Variants in PGK1 observed in about 807,000 individuals in gnomAD.
The protein encoded by PGK1 is PRP 2.
Under a neutral mutation model 26.9 loss-of-function variants are expected in PGK1, and 3 were observed. The observed-to-expected ratio is 0.11, with a 90% CI of 0.05 to 0.29. PGK1 has a LOEUF of 0.29. PGK1 is among the 10% of genes least tolerant of loss of function. The pLI is 1.00. For missense variants in PGK1, 270 were observed against 314.7 expected, an observed-to-expected ratio of 0.86 and a Z score of 1.07; for synonymous variants, 125 against 115.3, an observed-to-expected ratio of 1.08 and a Z score of -0.54.
At chrX:78,107,794 G>C (rs782537716) in intron 1 of PGK1, among the ~76,000 whole-genome samples, 1 of 111,136 alleles carries the variant, frequency 9.0e-6, no homozygotes, top group Admixed American at 9.6e-5. Context: ...GGTATCCCCA[G>C]ACTGTTTTCC....
chrX:78,126,566 A>T lies in PGK1; in HGVS notation c.*736A>T, dbSNP rs1165356988. 1 of 112,039 alleles carries T rather than the reference A, an allele frequency of 8.9e-6. No individual in the cohort carries two copies. The highest frequency in any genetic ancestry group is 1.9e-5 in the Non-Finnish European group (1 of 53,219). 9.2% of individuals were successfully genotyped at this position (112,039 alleles called of 1,213,427 possible). On this transcript the variant is annotated 3_prime_UTR_variant, in exon 11 of 11. Transcript: ENST00000373316. ...CTCCCATTCAAGATTCCCACTCCCC[A>T]GAGGTGACCACTTTCAACTCTTGAG...
At chrX:78,114,993 C>T (rs1207836454) in intron 4 of PGK1, among the ~76,000 whole-genome samples, 1 of 111,997 alleles carries the variant, frequency 8.9e-6, no homozygotes, top group Non-Finnish European at 1.9e-5. Flanking sequence ...AGTCTAGTGT[C>T]TCAGTCTCCT....
chrX:78,127,562 C>T lies in PGK1; in HGVS notation c.*1732C>T, dbSNP rs1422268936. Reference sequence around the variant, plus strand: ...GTAAGTAACAGCAGGGATTCAAGTCCAGGTTTGTCTGGTTCCAGTGGCTGA... The same window carrying T: ...GTAAGTAACAGCAGGGATTCAAGTCTAGGTTTGTCTGGTTCCAGTGGCTGA... On this transcript the variant is annotated 3_prime_UTR_variant, in exon 11 of 11. Coordinates refer to ENST00000373316, the MANE Select transcript of PGK1 (RefSeq NM_000291.4). 9.0e-6 allele frequency: 1 copy of T among 111,721 alleles called. No individual in the cohort carries two copies. Among genetic ancestry groups the T allele is most frequent in the African/African-American group, 3.3e-5 (1 of 30,685 alleles). The allele number at this position is 111,721 out of a possible 1,213,427, so 9.2% of individuals were successfully genotyped here.
At position 78,128,168 on chromosome X, in the gene PGK1, G is replaced by A. The variant is rs1282131511; in HGVS notation, c.*2338G>A. 2 of 112,988 alleles carry A rather than the reference G, an allele frequency of 1.8e-5. No homozygotes were observed. Among genetic ancestry groups the A allele is most frequent in the African/African-American group, 6.4e-5 (2 of 31,073 alleles). 9.3% of individuals were successfully genotyped at this position (112,988 alleles called of 1,213,427 possible). On this transcript the variant is annotated 3_prime_UTR_variant, in exon 11 of 11. Coordinates refer to ENST00000373316, the MANE Select transcript of PGK1 (RefSeq NM_000291.4). ...TCTATGTGCTTAAAGACGTGATAGA[G>A]GGAATATAAGAGCATTTATGTTCTG... is the stretch of plus-strand genomic sequence containing the variant.
intron 1 of PGK1, among the ~76,000 whole-genome samples, chrX:78,104,698 G>A (rs1256998659): frequency 9.0e-6 from 1 of 111,298 alleles, no homozygotes; most frequent in African/African-American, 3.3e-5. Flanking sequence ...CAGTTCCGTT[G>A]CCTCCAGCTC....
At chrX:78,122,211 AAG>A (rs1250578121) in intron 6 of PGK1, among the ~76,000 whole-genome samples, 2 of 110,826 alleles carry the variant, frequency 1.8e-5, no homozygotes, top group Non-Finnish European at 3.8e-5. Flanking sequence ...TTGTGTTGAA[AAG>A]AGAGAGAGAA....
At chrX:78,120,151 T>G (rs1477865842) in intron 6 of PGK1, among the ~76,000 whole-genome samples, 1 of 111,798 alleles carries the variant, frequency 8.9e-6, no homozygotes, top group African/African-American at 3.3e-5. Flanking sequence ...CATTAACAGT[T>G]TTTGGGAAAA....
chrX:78,118,893 C>G (rs904015353), intron 6 of PGK1, among the ~76,000 whole-genome samples: 9 of 111,547 alleles, frequency 8.1e-5, no homozygotes, highest in African/African-American at 2.9e-4. Flanking sequence ...CCCCCTCCCA[C>G]CCTCAATTTG....
chrX:78,111,320 C>T (rs953949443), intron 2 of PGK1, among the ~76,000 whole-genome samples: 1 of 111,371 alleles, frequency 9.0e-6, no homozygotes, highest in Non-Finnish European at 1.9e-5. Context: ...GCTCCTGGAC[C>T]CCGCCCACCT....
chrX:78,117,908 G>GT (rs2078334445), intron 5 of PGK1, 143 bp from the exon 6 acceptor site: 1 of 590,373 alleles, frequency 1.7e-6, no homozygotes, highest in Non-Finnish European at 2.9e-6. Flanking sequence ...GTACCTAAGT[G>GT]TTTTTTGTTG....
intron 1 of PGK1, among the ~76,000 whole-genome samples, chrX:78,109,034 G>A (rs1557246574): frequency 8.9e-6 from 1 of 112,117 alleles, no homozygotes; most frequent in Non-Finnish European, 1.9e-5. Context: ...TCACATTGAA[G>A]TAGGCTGAGG....
Position 78,129,029 on chromosome X carries a change from G to A in PGK1, c.*3199G>A, listed in dbSNP as rs1179268675. On this transcript the variant is annotated 3_prime_UTR_variant, in exon 11 of 11. Coordinates refer to ENST00000373316, the MANE Select transcript of PGK1 (RefSeq NM_000291.4). The stretch of plus-strand genomic sequence containing the variant: ...ATCCTGGCTAACACGGTGAAACCCT[G>A]TCTCTACTAAAAATACAAAAAATTA... 9.0e-6 allele frequency: 1 copy of A among 111,307 alleles called. No homozygotes were observed. Among genetic ancestry groups the A allele is most frequent in the Non-Finnish European group, 1.9e-5 (1 of 53,047 alleles). 9.2% of individuals were successfully genotyped at this position (111,307 alleles called of 1,213,427 possible). A position where few individuals can be genotyped will look rare whatever the true frequency, so the allele number is the denominator to read the frequency against.
chrX:78,108,658 G>A (rs782797547), intron 1 of PGK1, among the ~76,000 whole-genome samples: 5 of 111,518 alleles, frequency 4.5e-5, no homozygotes, highest in Admixed American at 9.5e-5. Flanking sequence ...AGAGAGGAAG[G>A]GGTATTTAAA....
intron 4 of PGK1, among the ~76,000 whole-genome samples, chrX:78,116,561 T>A (rs1361589077): frequency 8.9e-6 from 1 of 112,174 alleles, no homozygotes; most frequent in Non-Finnish European, 1.9e-5. Context: ...TTCATCTGGC[T>A]TGCTTCCTGT....
chrX:78,112,919 G>T (rs2078308089), intron 2 of PGK1, among the ~76,000 whole-genome samples: 1 of 112,169 alleles, frequency 8.9e-6, no homozygotes. Context: ...CAGTGTTTCT[G>T]CCTGGAGAAG....
intron 6 of PGK1, among the ~76,000 whole-genome samples, chrX:78,121,138 A>T (rs1291702799): frequency 6.2e-5 from 7 of 112,143 alleles, no homozygotes; most frequent in Non-Finnish European, 1.3e-4. Flanking sequence ...CAAATTTAGC[A>T]GTTTTGTTAC....
At chrX:78,110,674 T>C (rs1258825771) in intron 2 of PGK1, among the ~76,000 whole-genome samples, 8 of 110,388 alleles carry the variant, frequency 7.2e-5, no homozygotes, top group Non-Finnish European at 1.3e-4. Context: ...TGAAGAACTA[T>C]GTAAGAGAAG....
chrX:78,123,610 G>T (rs868961542), intron 8 of PGK1, among the ~76,000 whole-genome samples: 7 of 99,218 alleles, frequency 7.1e-5, no homozygotes, highest in African/African-American at 2.5e-4. Flanking sequence ...TGTTGTTGTT[G>T]TTTTTTTTTT....
chrX:78,116,902 G>C (rs1224697681), intron 4 of PGK1, among the ~76,000 whole-genome samples: 1 of 111,572 alleles, frequency 9.0e-6, no homozygotes, highest in African/African-American at 3.3e-5. Context: ...GCACTTCGCA[G>C]AAAGGCCTTG....
Sources: allele counts gnomAD v4.1 joint callset (sites outside exome capture counted in the v4.1 genomes callset), GRCh38; gene constraint gnomAD v4.1.1; transcripts MANE v1.5; gene names NCBI Gene and HGNC (gene_info 2026-07-23, HGNC 2026-07-21).